Variants in ITGA3 observed in about 807,000 individuals in gnomAD.
The protein encoded by ITGA3 is integrin alpha-3.
In ITGA3, 70 loss-of-function variants were observed where a neutral mutation model predicts 131.1. The ratio of observed to expected loss-of-function variants is 0.53; its 90% CI spans 0.44 to 0.65. ITGA3 has a LOEUF of 0.65. ITGA3 is among the 30% of genes least tolerant of loss of function. The probability of loss-of-function intolerance (pLI) is 0.00; values close to 1 mark genes in which losing one functional copy is unlikely to be tolerated. For missense variants in ITGA3, 1,098 were observed against 1,388.6 expected (o/e 0.79, Z 3.33); for synonymous variants, 537 against 571.6 (o/e 0.94, Z 0.86).
intron 1 of ITGA3, among the ~76,000 whole-genome samples, chr17:50,060,041 C>T (rs571363794): frequency 2.0e-5 from 3 of 152,124 alleles, no homozygotes; most frequent in Non-Finnish European, 4.4e-5. Context: ...GCCACAGGGC[C>T]GGCCTCTGGG....
rs760776525 is a variant in ITGA3, at chr17:50,072,306, C to T, written c.1156+124C>T. ...GCCCACAGATGAGACAGGATGGGGCCGGACCTGGGGAGCTCGCAGCAGTAC... is the reference window on the plus strand; with the variant it reads ...GCCCACAGATGAGACAGGATGGGGCTGGACCTGGGGAGCTCGCAGCAGTAC... On this transcript the variant is annotated intron_variant, in intron 7 of 25. Transcript: ENST00000320031. 3.2e-4 allele frequency: 277 copies of T among 867,220 alleles called. 1 individual carries two copies. The highest frequency in any genetic ancestry group is 6.7e-4 in the East Asian group (27 of 40,208). The allele number at this position is 867,220 out of a possible 1,614,324, so 53.7% of individuals were successfully genotyped here. A position where few individuals can be genotyped will look rare whatever the true frequency, so the allele number is the denominator to read the frequency against.
At chr17:50,068,002 C>A (rs993111985) in intron 3 of ITGA3, 54 bp from the exon 4 acceptor site, 207 of 1,605,120 alleles carry the variant, frequency 1.3e-4, no homozygotes, top group Non-Finnish European at 1.6e-4. Context: ...AAAGAGACAG[C>A]TGACCCGGGT....
rs1905676578 is a variant in ITGA3, at chr17:50,072,047, G to GC, written c.1023dup (p.Ile342HisfsTer37). 1 of 1,614,082 alleles carries GC rather than the reference G, an allele frequency of 6.2e-7. No homozygotes were observed. Among genetic ancestry groups the GC allele is most frequent in the Non-Finnish European group, 8.5e-7 (1 of 1,179,988 alleles). ...CGAGAGGAAAGAGGAAGTAGGGGGT[G>GC]CCATCTATGTCTTCATGAACCAGGC... On this transcript the variant is annotated frameshift_variant, in exon 7 of 26. Transcript: ENST00000320031. LOFTEE classifies it high-confidence loss of function.
At position 50,077,364 on chromosome 17, in the gene ITGA3, G is replaced by A. The variant is rs1236852549; in HGVS notation, c.2071-15G>A. ...CTTTGACCCGACCCTGACCTTATTC[G>A]CCTTCTTTCCTCAGCCCGGGGCCTG... On this transcript the variant is annotated splice_polypyrimidine_tract_variant and intron_variant, in intron 15 of 25. Transcript: ENST00000320031. 4.3e-6 allele frequency: 7 copies of A among 1,612,236 alleles called. No homozygotes were observed. The highest frequency in any genetic ancestry group is 1.6e-4 in the Middle Eastern group (1 of 6,080).
chr17:50,078,038 T>C lies in ITGA3; in HGVS notation c.2140-8T>C, dbSNP rs1298031037. 1.2e-6 allele frequency: 2 copies of C among 1,608,168 alleles called. No individual in the cohort carries two copies. Among genetic ancestry groups the C allele is most frequent in the Non-Finnish European group, 1.7e-6 (2 of 1,175,456 alleles). ...TGCCACTCTCTGCCTCCCTGACCCT[T>C]GTGGCAGATGGAGCTGCTCATCGCC... On this transcript the variant is annotated splice_polypyrimidine_tract_variant and splice_region_variant and intron_variant, in intron 16 of 25. Transcript: ENST00000320031.
intron 1 of ITGA3, among the ~76,000 whole-genome samples, chr17:50,060,392 G>A (rs929418212): frequency 1.3e-5 from 2 of 152,208 alleles, no homozygotes; most frequent in Non-Finnish European, 2.9e-5. Context: ...TCTTTGAGGT[G>A]AGCCAACCTG....
chr17:50,060,507 G>T (rs370539650), intron 1 of ITGA3, among the ~76,000 whole-genome samples: 4 of 152,342 alleles, frequency 2.6e-5, no homozygotes, highest in South Asian at 4.1e-4. Context: ...GAGTGATAGG[G>T]CAGGGGTAAG....
In ITGA3 at chr17:50,064,216, G is replaced by C; in HGVS notation, c.334+12G>C. ...CATCACAGTGAAAAGTGAGGGGAAG[G>C]GGCTGGGGAGGGGTGCTGGGTCAGA... On this transcript the variant is annotated intron_variant, in intron 2 of 25. Transcript: ENST00000320031. This position sits in a 1 kb window ranked among gnomAD's most constrained non-coding sequence, Gnocchi z 4.4. 1 of 1,599,754 alleles carries C rather than the reference G, an allele frequency of 6.3e-7. No homozygotes were observed.
intron 6 of ITGA3, chr17:50,071,719 T>G: frequency 1.6e-6 from 1 of 629,278 alleles, no homozygotes; most frequent in Admixed American, 2.9e-5. Context: ...TTGTTTCTGC[T>G]TGGGATTTGT....
chr17:50,069,137 C>T (rs769194617), intron 4 of ITGA3, among the ~76,000 whole-genome samples: 65 of 151,998 alleles, frequency 4.3e-4, no homozygotes, highest in Admixed American at 1.3e-3. Context: ...CGTGAGCCAC[C>T]GCGCCCAGCC....
intron 1 of ITGA3, among the ~76,000 whole-genome samples, chr17:50,062,255 A>G (rs1192122488): frequency 6.6e-6 from 1 of 152,186 alleles, no homozygotes; most frequent in East Asian, 1.9e-4. Flanking sequence ...CCCATTTTAC[A>G]GATGGGGCAC....
chr17:50,074,188 C>T lies in ITGA3; in HGVS notation c.1290C>T (p.Phe430=), dbSNP rs78768954. ...EKLGLPGLAT[F]GYSLSGQMDV... is the part of the protein sequence containing the mutation. ...TGGGACTGCCTGGGTTGGCCACCTT[C>T]GGCTATTCCCTCAGTGGGCAGATGG... The change falls in exon 9 of 26, where the codon TTC becomes TTT. Residue 430 remains phenylalanine, a synonymous_variant. Transcript: ENST00000320031. 1.8e-4 allele frequency: 293 copies of T among 1,614,190 alleles called. 1 individual carries two copies. In the African/African-American group the frequency reaches 3.4e-3, roughly 18 times the overall value.
chr17:50,079,670 C>A, intron 21 of ITGA3, 113 bp downstream of exon 21: 1 of 1,224,506 alleles, frequency 8.2e-7, no homozygotes, highest in Non-Finnish European at 1.1e-6. Context: ...TGATGAGGCC[C>A]CTGCTCTTGG....
intron 4 of ITGA3, among the ~76,000 whole-genome samples, chr17:50,068,511 G>A (rs1016399837): frequency 1.3e-5 from 2 of 152,012 alleles, no homozygotes; most frequent in Admixed American, 6.6e-5. Flanking sequence ...CTTTTTTGTT[G>A]TTTTTTTGAC....
At chr17:50,082,551 G>A (rs1465010489) in intron 23 of ITGA3, among the ~76,000 whole-genome samples, 1 of 151,330 alleles carries the variant, frequency 6.6e-6, no homozygotes, top group Non-Finnish European at 1.5e-5. Context: ...GTCTCAAGTA[G>A]TCCTCCCACC....
At chr17:50,080,872 CT>C (rs36075740) in intron 22 of ITGA3, among the ~76,000 whole-genome samples, 2 of 152,146 alleles carry the variant, frequency 1.3e-5, no homozygotes, top group African/African-American at 4.8e-5. Context: ...CTAGACCAAA[CT>C]TTTTCTGTAC....
chr17:50,081,212 A>C, intron 22 of ITGA3, 98 bp from the exon 23 acceptor site: 1 of 710,634 alleles, frequency 1.4e-6, no homozygotes, highest in South Asian at 1.8e-5. Context: ...TAAGGATGCT[A>C]CTTGGTGGGA....
chr17:50,074,767 G>C (rs753441485), intron 10 of ITGA3, among the ~76,000 whole-genome samples: 2 of 152,182 alleles, frequency 1.3e-5, no homozygotes, highest in Admixed American at 1.3e-4. Context: ...AGCTCTGGAC[G>C]GCCTGGTTCA....
At position 50,076,920 on chromosome 17, in the gene ITGA3, C is replaced by G. The variant is rs138215272; in HGVS notation, c.1923-54C>G. The stretch of plus-strand genomic sequence containing the variant: ...CCCCAGGGGCGGGGCCTAGTTGATC[C>G]GGGAGTGCCCTGGGGGCGGGGCTCT... On this transcript the variant is annotated intron_variant, in intron 14 of 25. Transcript: ENST00000320031. The G allele has an allele frequency of 0.018, 27,551 of 1,563,560 alleles. 284 individuals carry two copies. Among genetic ancestry groups the G allele is most frequent in the Non-Finnish European group, 0.02 (22,779 of 1,150,274 alleles).
Sources: gnomAD v4.1 joint callset for allele counts (sites outside exome capture counted in the v4.1 genomes callset) on GRCh38, gnomAD v4.1.1 for gene constraint, Gnocchi (gnomAD v3.1) non-coding constraint, MANE v1.5 for transcripts, NCBI Gene and HGNC (gene_info 2026-07-23, HGNC 2026-07-21) for gene names.